HNF1B: variants seen among roughly 807,000 people sequenced by gnomAD.
The protein encoded by HNF1B is HNF1 homeobox B.
In HNF1B, 8 loss-of-function variants were observed where a neutral mutation model predicts 61.7. That is an observed-to-expected ratio of 0.13 (90% CI 0.08 to 0.23). The LOEUF is 0.23. Among genes scored for constraint, HNF1B ranks in the 10% least tolerant of loss-of-function variants. HNF1B has a pLI of 1.00. For missense variants in HNF1B, 562 were observed against 714.5 expected (o/e 0.79, Z 2.43); for synonymous variants, 314 against 287.7 (o/e 1.09, Z -0.93).
chr17:37,716,259 G>A (rs1024530382), intron 4 of HNF1B, among the ~76,000 whole-genome samples: 21 of 152,064 alleles, frequency 1.4e-4, no homozygotes, highest in African/African-American at 4.6e-4. Context: ...GTACAGTGGC[G>A]TAATCTCGGC....
intron 2 of HNF1B, among the ~76,000 whole-genome samples, chr17:37,734,989 C>G (rs953087495): frequency 6.6e-6 from 1 of 152,010 alleles, no homozygotes; most frequent in African/African-American, 2.4e-5. Flanking sequence ...GGGGTTTCAT[C>G]ATGTTGGGCA....
intron 6 of HNF1B, among the ~76,000 whole-genome samples, chr17:37,701,560 A>G (rs2032572472): frequency 6.6e-6 from 1 of 152,260 alleles, no homozygotes; most frequent in South Asian, 2.1e-4. Context: ...GCAGAGTTAA[A>G]GATGTCCACA....
chr17:37,687,387 A>G lies in HNF1B; in HGVS notation c.1659T>C (p.Pro553=). Residue 553 remains proline, a synonymous_variant, in exon 9 of 9, where the codon CCT becomes CCC. Coordinates refer to ENST00000617811, the MANE Select transcript of HNF1B (RefSeq NM_000458.4). ...LTNMSSSKQC[P]LQAW ...TGTGTGGGCATCACCAGGCTTGTAGAGGACACTGCAGAGAGAGAGGAGAGA... is the reference window on the plus strand; with the variant it reads ...TGTGTGGGCATCACCAGGCTTGTAGGGGACACTGCAGAGAGAGAGGAGAGA... 6.2e-7 allele frequency: 1 copy of G among 1,612,740 alleles called. No homozygotes were observed. The highest frequency in any genetic ancestry group is 1.1e-5 in the South Asian group (1 of 91,072).
chr17:37,719,385 C>A (rs541395162), intron 4 of HNF1B, among the ~76,000 whole-genome samples: 1 of 152,204 alleles, frequency 6.6e-6, no homozygotes, highest in African/African-American at 2.4e-5. Context: ...AGTTTGGGGG[C>A]TACTGGGTTG....
chr17:37,721,956 G>A (rs1209695709), intron 4 of HNF1B, among the ~76,000 whole-genome samples: 5 of 152,112 alleles, frequency 3.3e-5, no homozygotes, highest in African/African-American at 1.2e-4. Context: ...GACTCTACGT[G>A]AATCTCTTAG....
At chr17:37,725,928 T>G (rs559392508) in intron 4 of HNF1B, among the ~76,000 whole-genome samples, 1 of 152,304 alleles carries the variant, frequency 6.6e-6, no homozygotes, top group African/African-American at 2.4e-5. Context: ...CAAATGGGGA[T>G]GGGGTCATGA....
chr17:37,724,936 GTATATA>G (rs879391778), intron 4 of HNF1B, among the ~76,000 whole-genome samples: 1 of 71,900 alleles, frequency 1.4e-5, no homozygotes, highest in African/African-American at 4.4e-5. Flanking sequence ...GTGTGTGTGT[GTATATA>G]TATATAATAC....
chr17:37,695,279 G>T (rs1434867019), intron 8 of HNF1B, among the ~76,000 whole-genome samples: 1 of 152,226 alleles, frequency 6.6e-6, no homozygotes, highest in East Asian at 1.9e-4. Flanking sequence ...GTAAGCTTTG[G>T]TGGGTTTCAT....
At chr17:37,718,687 C>T (rs563643903) in intron 4 of HNF1B, among the ~76,000 whole-genome samples, 13 of 152,364 alleles carry the variant, frequency 8.5e-5, no homozygotes, top group African/African-American at 2.9e-4. Flanking sequence ...GGTTTGTTTA[C>T]TTGTTCCTTG....
At chr17:37,717,295 C>T (rs1374542725) in intron 4 of HNF1B, among the ~76,000 whole-genome samples, 1 of 152,174 alleles carries the variant, frequency 6.6e-6, no homozygotes, top group African/African-American at 2.4e-5. Context: ...TGGTGGACCT[C>T]TGCCAGCGTA....
intron 1 of HNF1B, among the ~76,000 whole-genome samples, chr17:37,744,204 CT>C: frequency 1.3e-5 from 2 of 152,366 alleles, no homozygotes; most frequent in South Asian, 4.1e-4. Flanking sequence ...AGCGGTTTCA[CT>C]GCACCCACTC....
chr17:37,704,929 C>T lies in HNF1B; in HGVS notation c.1327G>A (p.Ala443Thr). Residue 443 changes from alanine (A) to threonine (T), a missense_variant, in exon 6 of 9, where the codon GCA becomes ACA. Physicochemically the swap from Ala to Thr is moderately conservative, Grantham distance 58. Around this residue, in one of 6 missense-constraint regions of HNF1B, gnomAD observed 211 missense variants for 200.7 expected, o/e 1.05. Coordinates refer to ENST00000617811, the MANE Select transcript of HNF1B (RefSeq NM_000458.4). ...LIMTPLSGVM[A>T]IAQSLNTSQA... ...GAATAGAACTTACTTTGTGCAATTG[C>T]CATGACTCCAGAGAGGGGTGTCATG... 6.2e-7 allele frequency: 1 copy of T among 1,614,088 alleles called. No homozygotes were observed. The highest frequency in any genetic ancestry group is 8.5e-7 in the Non-Finnish European group (1 of 1,179,988).
At chr17:37,718,237 T>C (rs749154640) in intron 4 of HNF1B, among the ~76,000 whole-genome samples, 6 of 152,190 alleles carry the variant, frequency 3.9e-5, no homozygotes, top group Non-Finnish European at 8.8e-5. Context: ...ATTGCACATG[T>C]GGGGAGGTAG....
In HNF1B at chr17:37,734,789, C is replaced by CTT. The variant is rs67472247; in HGVS notation, c.545-970_545-969dup. ...GTCCCTATGTTCTGGATCTTAATAT[C>CTT]TTTTTTTTTTTTTTTTGAGACAGAG... On this transcript the variant is annotated intron_variant, in intron 2 of 8. Coordinates refer to ENST00000617811, the MANE Select transcript of HNF1B (RefSeq NM_000458.4). Among the ~76,000 whole-genome samples the CTT allele has an allele frequency of 4.5e-3, 638 of 140,666 alleles. 7 individuals carry two copies. The highest frequency in any genetic ancestry group is 0.042 in the South Asian group (178 of 4,272). 92.3% of individuals were successfully genotyped at this position (140,666 alleles called of 152,430 possible). A position where few individuals can be genotyped will look rare whatever the true frequency, so the allele number is the denominator to read the frequency against.
chr17:37,720,831 A>T, intron 4 of HNF1B: 1 of 985,376 alleles, frequency 1.0e-6, no homozygotes, highest in Non-Finnish European at 1.2e-6. Context: ...CTTCTTCTTC[A>T]CGGTGAGATT....
chr17:37,723,676 A>T (rs2033398795), intron 4 of HNF1B, among the ~76,000 whole-genome samples: 1 of 152,226 alleles, frequency 6.6e-6, no homozygotes, highest in Non-Finnish European at 1.5e-5. Flanking sequence ...GGAGATACTC[A>T]AATTCTTTAA....
chr17:37,707,840 G>A (rs974362594), intron 5 of HNF1B, among the ~76,000 whole-genome samples: 11 of 151,610 alleles, frequency 7.3e-5, no homozygotes, highest in Admixed American at 6.6e-5. Flanking sequence ...TTGTCAATGC[G>A]TGACATTTGG....
intron 8 of HNF1B, 25 bp from the exon 9 acceptor site, chr17:37,687,417 G>C: frequency 1.3e-6 from 2 of 1,561,774 alleles, no homozygotes; most frequent in Non-Finnish European, 1.8e-6. Context: ...GAGAGAGGGT[G>C]CTCAGCTGTG....
At chr17:37,744,039 G>A (rs1173079128) in intron 1 of HNF1B, among the ~76,000 whole-genome samples, 1 of 152,262 alleles carries the variant, frequency 6.6e-6, no homozygotes, top group African/African-American at 2.4e-5. Context: ...TCCCGGCTCC[G>A]GATGCCGCCT....
Sources: gnomAD v4.1 joint callset for allele counts (sites outside exome capture counted in the v4.1 genomes callset) on GRCh38, gnomAD v4.1.1 for gene constraint, gnomAD v4.1.1 regional missense constraint, MANE v1.5 for transcripts, NCBI Gene and HGNC (gene_info 2026-07-23, HGNC 2026-07-21) for gene names.